The following SLC22A3 variants were observed in gnomAD, a reference collection of about 807,000 sequenced individuals.
SLC22A3 encodes EMT organic cation transporter 3.
In SLC22A3, 51 loss-of-function variants were observed where a neutral mutation model predicts 59.1. The observed-to-expected ratio is 0.86, with a 90% CI of 0.69 to 1.09. The LOEUF is 1.09. SLC22A3 is among the 50% of genes least tolerant of loss of function. The probability of loss-of-function intolerance (pLI) is 0.00; values close to 1 mark genes in which losing one functional copy is unlikely to be tolerated. For missense variants in SLC22A3, 711 were observed against 726.3 expected (o/e 0.98, Z 0.24); for synonymous variants, 325 against 292.0 (o/e 1.11, Z -1.15).
At chr6:160,425,852 T>G (rs570616798) in intron 5 of SLC22A3, 10 of 985,306 alleles carry the variant, frequency 1.0e-5, no homozygotes, top group Non-Finnish European at 1.2e-5. Flanking sequence ...TTAATGCAGA[T>G]TAATTACCAT....
intron 3 of SLC22A3, among the ~76,000 whole-genome samples, chr6:160,407,552 T>C (rs535290956): frequency 6.6e-6 from 1 of 152,298 alleles, no homozygotes; most frequent in African/African-American, 2.4e-5. Flanking sequence ...TTTTAAAGCA[T>C]TTTCTCTGCA....
At chr6:160,358,030 A>G (rs1337363622) in intron 1 of SLC22A3, among the ~76,000 whole-genome samples, 1 of 152,238 alleles carries the variant, frequency 6.6e-6, no homozygotes, top group African/African-American at 2.4e-5. Context: ...AGTTGAATAC[A>G]TTATAAAACC....
chr6:160,374,917 G>C lies in SLC22A3; in HGVS notation c.430-23062G>C, dbSNP rs113892458. On this transcript the variant is annotated intron_variant, in intron 1 of 10. Coordinates refer to ENST00000275300, the MANE Select transcript of SLC22A3 (RefSeq NM_021977.4). ...ACCTTCAACTTGTAAGGCAAGTGCA[G>C]TGCCAGAGGCTGGGGTATCTCTGCT... Among the ~76,000 whole-genome samples the C allele has an allele frequency of 6.2e-3, 939 of 152,354 alleles. 10 individuals carry two copies. The highest frequency in any genetic ancestry group is 0.037 in the Middle Eastern group (11 of 294).
intron 2 of SLC22A3, among the ~76,000 whole-genome samples, chr6:160,400,292 T>C (rs768626784): frequency 2.0e-5 from 3 of 151,978 alleles, no homozygotes; most frequent in South Asian, 4.2e-4. Flanking sequence ...GAGAGCCTCA[T>C]TGATCTGGGG....
intron 1 of SLC22A3, among the ~76,000 whole-genome samples, chr6:160,362,727 G>A (rs951151867): frequency 1.3e-5 from 2 of 152,232 alleles, no homozygotes; most frequent in Non-Finnish European, 2.9e-5. Flanking sequence ...CAGGGCATGA[G>A]CCTTCTGGCA....
chr6:160,426,209 A>G (rs1787945478), intron 5 of SLC22A3: 1 of 985,308 alleles, frequency 1.0e-6, no homozygotes, highest in Non-Finnish European at 1.2e-6. Context: ...TTCAAACTAA[A>G]CCAAAGGCTT....
intron 1 of SLC22A3, among the ~76,000 whole-genome samples, chr6:160,397,517 C>T (rs560304156): frequency 6.6e-6 from 1 of 152,018 alleles, no homozygotes; most frequent in South Asian, 2.1e-4. Context: ...GGGCAGATTA[C>T]GAGGTCAAGA....
chr6:160,359,973 T>G (rs1311631042), intron 1 of SLC22A3, among the ~76,000 whole-genome samples: 1 of 152,238 alleles, frequency 6.6e-6, no homozygotes, highest in Non-Finnish European at 1.5e-5. Flanking sequence ...ATTACAACTA[T>G]TAGAAGAATA....
chr6:160,438,790 A>G (rs1583514465), intron 7 of SLC22A3, among the ~76,000 whole-genome samples: 1 of 152,226 alleles, frequency 6.6e-6, no homozygotes, highest in Non-Finnish European at 1.5e-5. Flanking sequence ...AGGGGTGTGG[A>G]GGCTGGGAGT....
At position 160,357,758 on chromosome 6, in the gene SLC22A3, G is replaced by A. The variant is rs148503091; in HGVS notation, c.429+8910G>A. Among the ~76,000 whole-genome samples, 274 of 152,232 alleles carry A rather than the reference G, an allele frequency of 1.8e-3. 1 individual carries two copies. The highest frequency in any genetic ancestry group is 6.4e-3 in the African/African-American group (264 of 41,528). On this transcript the variant is annotated intron_variant, in intron 1 of 10. Transcript: ENST00000275300. ...CCAGGGTAGAGGAGAAAATTAGATT[G>A]AAACTAATTCAGATTAATTTGGCAT...
At position 160,437,298 on chromosome 6, in the gene SLC22A3, G is replaced by A. The variant is rs1182752674; in HGVS notation, c.1288+87G>A. ...AAGTATAGGGAGCCACTTGTTCTTA[G>A]GAAATGTGCAATGGAATCACAGTCT... On this transcript the variant is annotated intron_variant, in intron 7 of 10. Coordinates refer to ENST00000275300, the MANE Select transcript of SLC22A3 (RefSeq NM_021977.4). The A allele has an allele frequency of 6.8e-6, 9 of 1,329,008 alleles. No homozygotes were observed. The Admixed American group carries it at 1.4e-4, about 20-fold the overall frequency. 82.3% of individuals were successfully genotyped at this position (1,329,008 alleles called of 1,614,324 possible). A position where few individuals can be genotyped will look rare whatever the true frequency, so the allele number is the denominator to read the frequency against.
intron 6 of SLC22A3, 60 bp downstream of exon 6, chr6:160,436,937 T>C: frequency 6.2e-7 from 1 of 1,611,978 alleles, no homozygotes; most frequent in South Asian, 1.1e-5. Flanking sequence ...CATCCCTTCC[T>C]TCAAATCAGC....
chr6:160,348,792 G>A lies in SLC22A3; in HGVS notation c.373G>A (p.Val125Met). ...AAFPNRSAPL[V>M]PCRGGWRYAQ... ...CTTCCCCAACCGCTCGGCTCCCCTT[G>A]TGCCGTGCCGCGGCGGCTGGCGCTA... Residue 125 changes from valine (V) to methionine (M), a missense_variant, in exon 1 of 11, where the codon GTG becomes ATG. Transcript: ENST00000275300. The A allele has an allele frequency of 6.4e-7, 1 of 1,574,588 alleles. No homozygotes were observed. The highest frequency in any genetic ancestry group is 8.6e-7 in the Non-Finnish European group (1 of 1,168,188).
At chr6:160,441,298 C>G (rs917770976) in intron 7 of SLC22A3, among the ~76,000 whole-genome samples, 3 of 152,118 alleles carry the variant, frequency 2.0e-5, no homozygotes, top group African/African-American at 7.2e-5. Flanking sequence ...AGTCTCCACT[C>G]CCCCCTTTTC....
At chr6:160,448,947 A>G (rs1456468922) in intron 10 of SLC22A3, among the ~76,000 whole-genome samples, 2 of 152,192 alleles carry the variant, frequency 1.3e-5, no homozygotes, top group Non-Finnish European at 2.9e-5. Flanking sequence ...CAATCTTAAT[A>G]ATGACTTAGG....
rs531544707 is a variant in SLC22A3 at position 160,398,114 on chromosome 6, A to T, written c.533+32A>T. 7.7e-6 allele frequency: 11 copies of T among 1,426,258 alleles called. No individual in the cohort carries two copies. The South Asian group carries it at 1.1e-4, about 15-fold the overall frequency. 88.4% of individuals were successfully genotyped at this position (1,426,258 alleles called of 1,614,324 possible). A position where few individuals can be genotyped will look rare whatever the true frequency, so the allele number is the denominator to read the frequency against. On this transcript the variant is annotated intron_variant, in intron 2 of 10. Transcript: ENST00000275300. The stretch of plus-strand genomic sequence containing the variant: ...ACCAATGTGACAGCCATTTTATGTC[A>T]CTATAATACCATGCATTAATACGGG...
intron 5 of SLC22A3, among the ~76,000 whole-genome samples, chr6:160,423,064 G>A (rs945756325): frequency 6.6e-6 from 1 of 152,062 alleles, no homozygotes; most frequent in Non-Finnish European, 1.5e-5. Context: ...TCCCACCTAT[G>A]AGTGAGAACA....
rs571537095 is a variant in SLC22A3 at position 160,437,843 on chromosome 6, G to A, written c.1288+632G>A. ...GCCAGATATCAGGGAGAGAGAGGAC[G>A]GACGTTTCCAAACTAGAGAAGAGTT... On this transcript the variant is annotated intron_variant, in intron 7 of 10. Transcript: ENST00000275300. 6.6e-5 allele frequency among the ~76,000 whole-genome samples: 10 copies of A among 152,292 alleles called. No homozygotes were observed. The South Asian group carries it at 1.9e-3, about 28-fold the overall frequency.
intron 5 of SLC22A3, among the ~76,000 whole-genome samples, chr6:160,431,196 G>A (rs1788138653): frequency 6.6e-6 from 1 of 152,178 alleles, no homozygotes; most frequent in African/African-American, 2.4e-5. Flanking sequence ...TTGTGTGTCT[G>A]ACTCAGACCA....
Sources: gnomAD v4.1 joint callset for allele counts (sites outside exome capture counted in the v4.1 genomes callset) on GRCh38, gnomAD v4.1.1 for gene constraint, MANE v1.5 for transcripts, NCBI Gene and HGNC (gene_info 2026-07-23, HGNC 2026-07-21) for gene names.